PLTP: variants seen among roughly 807,000 people sequenced by gnomAD.
PLTP encodes the protein phospholipid transfer protein.
In PLTP, 43 loss-of-function variants were observed where a neutral mutation model predicts 54.1. The ratio of observed to expected loss-of-function variants is 0.79; its 90% CI spans 0.62 to 1.02. The LOEUF is 1.02. Ranked by LOEUF, PLTP falls within the 50% of genes least tolerant of loss-of-function variation. PLTP has a pLI of 0.00. For missense variants in PLTP, 604 were observed against 645.9 expected, an observed-to-expected ratio of 0.94 and a Z score of 0.70; for synonymous variants, 263 against 264.6, an observed-to-expected ratio of 0.99 and a Z score of 0.06.
In PLTP at chr20:45,900,351, C is replaced by T. The variant is rs11569659; in HGVS notation, c.1176-473G>A. On this transcript the variant is annotated intron_variant, in intron 12 of 15. Transcript: ENST00000372431. ...GGATTTCCTGACCTTGTGATCCGCC[C>T]GTCTCGGCCTCCCAAAGTGCTGGGA... 7.8e-3 allele frequency among the ~76,000 whole-genome samples: 1,180 copies of T among 151,784 alleles called. 13 individuals are homozygous for T. Among genetic ancestry groups the T allele is most frequent in the African/African-American group, 0.027 (1,137 of 41,418 alleles).
rs1018152670 is a variant in PLTP at position 45,910,042 on chromosome 20, A to G, written c.229T>C (p.Ser77Pro). The part of the protein sequence containing the change: ...EVKVTELQLT[S>P]SELDFQPQQE... ...TGTGGCTGGAAATCGAGCTCGGAAG[A>G]TGTCAGTTGCAGCTCTGTGACCTTC... is the stretch of plus-strand genomic sequence containing the variant. The change falls in exon 4 of 16, where the codon TCT becomes CCT. Residue 77 changes from serine (S) to proline (P), a missense_variant. Physicochemically the swap from Ser to Pro is moderately conservative, Grantham distance 74. Transcript: ENST00000372431. 7 of 1,613,942 alleles carry G rather than the reference A, an allele frequency of 4.3e-6. No homozygotes were observed. Among genetic ancestry groups the G allele is most frequent in the Non-Finnish European group, 5.9e-6 (7 of 1,179,978 alleles).
intron 13 of PLTP, 29 bp downstream of exon 13, chr20:45,899,807 G>GGGGCCCCCCC: frequency 7.3e-7 from 1 of 1,369,464 alleles, no homozygotes; most frequent in Non-Finnish European, 1.0e-6. Context: ...CACGAACCCA[G>GGGGCCCCCCC]CCCAGCCCAC....
chr20:45,905,237 G>T, intron 8 of PLTP, 119 bp from the exon 9 acceptor site: 1 of 825,332 alleles, frequency 1.2e-6, no homozygotes, highest in Non-Finnish European at 1.9e-6. Flanking sequence ...CCCAGCTGCT[G>T]TTCTTGGAGG....
chr20:45,901,656 C>T (rs1462182783), intron 12 of PLTP, among the ~76,000 whole-genome samples: 2 of 151,998 alleles, frequency 1.3e-5, no homozygotes, highest in African/African-American at 4.8e-5. Flanking sequence ...AATCCCAGCA[C>T]TTTGGGAGGC....
chr20:45,908,982 T>G (rs922274175), intron 5 of PLTP, among the ~76,000 whole-genome samples: 1 of 146,644 alleles, frequency 6.8e-6, no homozygotes, highest in Non-Finnish European at 1.5e-5. Flanking sequence ...TTTTTTTTTT[T>G]TGAGATGGAA....
At position 45,898,978 on chromosome 20, in the gene PLTP, G is replaced by C; in HGVS notation, c.1445C>G (p.Ala482Gly). ...TGTGGACGGTGTGGGGGCAGTGGAC[G>C]CCCTGACATCAGCAGGCCGGTTCTT... ...IEKNRPADVR[A>G]STAPTPSTAA... Residue 482 changes from alanine (A) to glycine (G), a missense_variant, in exon 16 of 16, where the codon GCG becomes GGG. Ala to Gly is a moderately conservative substitution (Grantham distance 60). Coordinates refer to ENST00000372431, the MANE Select transcript of PLTP (RefSeq NM_006227.4). This position sits in a 1 kb window ranked among gnomAD's most constrained non-coding sequence, Gnocchi z 4.6. 1 of 1,614,074 alleles carries C rather than the reference G, an allele frequency of 6.2e-7. No homozygotes were observed. Among genetic ancestry groups the C allele is most frequent in the Non-Finnish European group, 8.5e-7 (1 of 1,179,990 alleles).
At chr20:45,910,783 A>T in intron 3 of PLTP, 1 of 1,123,144 alleles carries the variant, frequency 8.9e-7, no homozygotes. Flanking sequence ...AACCATACTT[A>T]GAGCCTTCAG....
At chr20:45,909,018 G>T (rs1297183711) in intron 5 of PLTP, among the ~76,000 whole-genome samples, 1 of 139,782 alleles carries the variant, frequency 7.2e-6, no homozygotes, top group Non-Finnish European at 1.5e-5. Context: ...AGGCTGGAGT[G>T]CAGTGGCACG....
intron 10 of PLTP, among the ~76,000 whole-genome samples, chr20:45,902,868 T>C (rs561273282): frequency 2.3e-4 from 35 of 152,370 alleles, no homozygotes; most frequent in African/African-American, 8.4e-4. Flanking sequence ...CCAGACTCTT[T>C]GTGGATGTCC....
chr20:45,911,912 C>T, intron 1 of PLTP, 167 bp downstream of exon 1: 1 of 231,846 alleles, frequency 4.3e-6, no homozygotes, highest in Non-Finnish European at 8.8e-6. Flanking sequence ...CCGTGGGCTC[C>T]CGGGTCTCCC....
Position 45,911,192 on chromosome 20 carries a change from G to A in PLTP, c.160C>T (p.Leu54=), listed in dbSNP as rs60818838. ...TAGAAGTGGCCTTCTTTGCCCCGCA[G>A]GTCCGGAATGGTGATAGTCTCCAGC... The part of the protein sequence containing the change: ...QELETITIPD[L]RGKEGHFYYN... The change falls in exon 3 of 16, where the codon CTG becomes TTG. Residue 54 remains leucine, a synonymous_variant. Transcript: ENST00000372431. 6.2e-7 allele frequency: 1 copy of A among 1,614,128 alleles called. No homozygotes were observed. Among genetic ancestry groups the A allele is most frequent in the East Asian group, 2.2e-5 (1 of 44,874 alleles).
rs72125427 is a variant in PLTP at position 45,904,612 on chromosome 20, G to GGCAGGAAGGA, written c.942+178_942+187dup. Among the ~76,000 whole-genome samples, 259 of 152,324 alleles carry GGCAGGAAGGA rather than the reference G, an allele frequency of 1.7e-3. 3 individuals carry two copies. The highest frequency in any genetic ancestry group is 1.5e-3 in the Non-Finnish European group (105 of 68,032). On this transcript the variant is annotated intron_variant, in intron 10 of 15. Transcript: ENST00000372431. ...CACAGCAGCTCTGCGAAGGAGATGG[G>GGCAGGAAGGA]GCAGGAAGGAGCAGGAAGGAGCAGA... is the stretch of plus-strand genomic sequence containing the variant.
chr20:45,899,129 G>C (rs2083148224), intron 15 of PLTP, 66 bp from the exon 16 acceptor site: 3 of 1,601,454 alleles, frequency 1.9e-6, no homozygotes, highest in Non-Finnish European at 1.7e-6. Flanking sequence ...TAGAGATCAA[G>C]AGACAGAGTG....
At position 45,909,625 on chromosome 20, in the gene PLTP, G is replaced by A. The variant is rs149389395; in HGVS notation, c.376C>T (p.Arg126Cys). ...INASAEGVSIRTGLELSRDPA... is the reference protein window; with the variant it reads ...INASAEGVSICTGLELSRDPA... The stretch of plus-strand genomic sequence containing the variant: ...TCCCGGGAGAGCTCCAGACCAGTGC[G>A]GATGGACACACCCTCAGCTGAGGCG... Residue 126 changes from arginine (R) to cysteine (C), a missense_variant, in exon 5 of 16, where the codon CGC (arginine) becomes TGC (cysteine). Physicochemically the swap from Arg to Cys is radical, Grantham distance 180 (BLOSUM62 -3). Coordinates refer to ENST00000372431, the MANE Select transcript of PLTP (RefSeq NM_006227.4). The A allele has an allele frequency of 3.0e-5, 49 of 1,614,022 alleles. No individual in the cohort carries two copies. The highest frequency in any genetic ancestry group is 4.0e-5 in the African/African-American group (3 of 74,912).
intron 12 of PLTP, among the ~76,000 whole-genome samples, chr20:45,901,658 T>G (rs1323776707): frequency 1.3e-5 from 2 of 151,904 alleles, no homozygotes; most frequent in African/African-American, 4.8e-5. Flanking sequence ...TCCCAGCACT[T>G]TGGGAGGCCG....
At chr20:45,911,275 C>G in intron 2 of PLTP, 24 bp from the exon 3 acceptor site, 1 of 1,613,882 alleles carries the variant, frequency 6.2e-7, no homozygotes. Context: ...GAAACCCTTA[C>G]TTAGCTCCCG....
At chr20:45,899,812 G>GGGCCCC in intron 13 of PLTP, 24 bp downstream of exon 13, 1 of 309,346 alleles carries the variant, frequency 3.2e-6, no homozygotes, top group Non-Finnish European at 6.2e-6. Context: ...ACCCAGCCCA[G>GGGCCCC]CCCACCCACC....
intron 12 of PLTP, among the ~76,000 whole-genome samples, chr20:45,901,983 T>G (rs2083189251): frequency 6.6e-6 from 1 of 152,216 alleles, no homozygotes; most frequent in Non-Finnish European, 1.5e-5. Context: ...GCTGAGGTTT[T>G]TGTCAAAACC....
chr20:45,901,253 G>A (rs1277632532), intron 12 of PLTP, among the ~76,000 whole-genome samples: 1 of 152,178 alleles, frequency 6.6e-6, no homozygotes. Flanking sequence ...AGCCCTAGAA[G>A]GCAGATGCTA....
Sources: gnomAD v4.1 joint callset for allele counts (sites outside exome capture counted in the v4.1 genomes callset) on GRCh38, gnomAD v4.1.1 for gene constraint, Gnocchi (gnomAD v3.1) non-coding constraint, MANE v1.5 for transcripts, NCBI Gene and HGNC (gene_info 2026-07-23, HGNC 2026-07-21) for gene names.